MBP: variants seen among roughly 807,000 people sequenced by gnomAD.
MBP encodes the protein Golli-MBP.
In MBP, 16 loss-of-function variants were observed where a neutral mutation model predicts 35.8. The observed-to-expected ratio is 0.45, with a 90% CI of 0.30 to 0.68. MBP has a LOEUF of 0.68. Ranked by LOEUF, MBP falls within the 30% of genes least tolerant of loss-of-function variation. The pLI is 0.08. For missense variants in MBP, 380 were observed against 404.7 expected, an observed-to-expected ratio of 0.94 and a Z score of 0.52; for synonymous variants, 143 against 159.6, an observed-to-expected ratio of 0.90 and a Z score of 0.78.
intron 1 of MBP, among the ~76,000 whole-genome samples, chr18:77,119,807 C>G (rs571425962): frequency 6.6e-6 from 1 of 152,254 alleles, no homozygotes; most frequent in African/African-American, 2.4e-5. Context: ...TGGGGTGCTG[C>G]GGAAGAAGGG....
At chr18:76,995,841 CT>C (rs1970238023) in intron 4 of MBP, among the ~76,000 whole-genome samples, 1 of 152,066 alleles carries the variant, frequency 6.6e-6, no homozygotes, top group Non-Finnish European at 1.5e-5. Context: ...TAAATTGGAC[CT>C]CATCAAAGTT....
chr18:76,987,930 A>T, intron 7 of MBP: 1 of 1,120,564 alleles, frequency 8.9e-7, no homozygotes, highest in Non-Finnish European at 1.1e-6. Context: ...TTCCTAAGGA[A>T]GATTTTCTGG....
In MBP at chr18:76,988,244, G is replaced by A; in HGVS notation, c.750+251C>T. ...CACGTCGCCTGGGAACCCTCTGGGA[G>A]AAGAGGATCTGGCCTTGCAGGGCTG... On this transcript the variant is annotated intron_variant, in intron 7 of 8. Coordinates refer to ENST00000355994, the MANE Select transcript of MBP (RefSeq NM_001025101.2). The surrounding 1 kb of genome is among the most constrained non-coding windows in gnomAD (Gnocchi z 5.2). The A allele has an allele frequency of 1.9e-6, 3 of 1,550,172 alleles. No individual in the cohort carries two copies. The highest frequency in any genetic ancestry group is 2.6e-6 in the Non-Finnish European group (3 of 1,147,020).
At chr18:77,083,799 G>A (rs1975078192) in intron 2 of MBP, among the ~76,000 whole-genome samples, 1 of 152,174 alleles carries the variant, frequency 6.6e-6, no homozygotes, top group Admixed American at 6.5e-5. Flanking sequence ...CTGAAAGAGC[G>A]AACCCTACAG....
intron 3 of MBP, among the ~76,000 whole-genome samples, chr18:77,033,038 G>T (rs1972599458): frequency 6.6e-6 from 1 of 152,142 alleles, no homozygotes; most frequent in African/African-American, 2.4e-5. Context: ...CATGATCTCA[G>T]CTCACTGTAG....
chr18:76,986,155 T>A, intron 7 of MBP: 1 of 985,528 alleles, frequency 1.0e-6, no homozygotes, highest in Non-Finnish European at 1.2e-6. Context: ...GCTGTTAGCT[T>A]TTCAGGGATC....
chr18:77,027,994 A>ATTTATTTT (rs1244040681), intron 3 of MBP, among the ~76,000 whole-genome samples: 2 of 150,156 alleles, frequency 1.3e-5, no homozygotes, highest in Admixed American at 6.6e-5. Flanking sequence ...TTATTTATTT[A>ATTTATTTT]TTTATTTATT....
rs1969443501 is a variant in MBP at position 76,984,833 on chromosome 18, G to C, written c.812C>G (p.Ala271Gly). ...ATCGACTCCCTTGAATCCCTTGTGA[G>C]CCGATTTATAGTCGGACGCTCTGCC... ...YGGRASDYKS[A>G]HKGFKGVDAQ... The change falls in exon 8 of 9, where the codon GCT (alanine) becomes GGT (glycine). Residue 271 changes from alanine (A) to glycine (G), a missense_variant. Physicochemically the swap from Ala to Gly is moderately conservative, Grantham distance 60. Transcript: ENST00000355994. 1 of 1,613,974 alleles carries C rather than the reference G, an allele frequency of 6.2e-7. No individual in the cohort carries two copies. Among genetic ancestry groups the C allele is most frequent in the Admixed American group, 1.7e-5 (1 of 60,012 alleles).
At chr18:77,045,634 A>G (rs470967) in intron 3 of MBP, among the ~76,000 whole-genome samples, 134,418 of 152,308 alleles carry the variant, frequency 0.88, 59,703 homozygotes, top group South Asian at 0.93. Context: ...AGTGCTCAGA[A>G]TATTGAAATA....
chr18:77,033,953 C>T (rs2144570869), intron 3 of MBP, among the ~76,000 whole-genome samples: 1 of 151,600 alleles, frequency 6.6e-6, no homozygotes, highest in Non-Finnish European at 1.5e-5. Flanking sequence ...CACTAATCCT[C>T]ACCCTGACAG....
At position 76,988,445 on chromosome 18, in the gene MBP, T is replaced by C. The variant is rs773753212; in HGVS notation, c.750+50A>G. 6.2e-7 allele frequency: 1 copy of C among 1,614,160 alleles called. No homozygotes were observed. The highest frequency in any genetic ancestry group is 8.5e-7 in the Non-Finnish European group (1 of 1,180,018). Reference sequence around the variant, plus strand: ...GCAGAACACAAAAGTTGCGGGGCTGTGAGGACTGGGACGGAAGAGGAAGCC... The same window carrying C: ...GCAGAACACAAAAGTTGCGGGGCTGCGAGGACTGGGACGGAAGAGGAAGCC... On this transcript the variant is annotated intron_variant, in intron 7 of 8. Transcript: ENST00000355994. The surrounding 1 kb of genome is among the most constrained non-coding windows in gnomAD (Gnocchi z 5.2).
chr18:77,064,380 G>A (rs1011539438), intron 3 of MBP, among the ~76,000 whole-genome samples: 1 of 152,198 alleles, frequency 6.6e-6, no homozygotes, highest in Non-Finnish European at 1.5e-5. Context: ...AAGGCGGTGA[G>A]TTATGCTCAG....
chr18:77,012,171 G>A (rs1319878175), intron 4 of MBP, among the ~76,000 whole-genome samples: 1 of 152,176 alleles, frequency 6.6e-6, no homozygotes, highest in Non-Finnish European at 1.5e-5. Flanking sequence ...AAGACCCCAA[G>A]TTTCAGCTTC....
At chr18:77,106,217 G>C (rs1163550369) in intron 1 of MBP, among the ~76,000 whole-genome samples, 1 of 152,210 alleles carries the variant, frequency 6.6e-6, no homozygotes, top group African/African-American at 2.4e-5. Flanking sequence ...AACACGGGGA[G>C]AGAGGACTCT....
chr18:76,980,689 G>T (rs1969141214), intron 8 of MBP: 1 of 564,748 alleles, frequency 1.8e-6, no homozygotes, highest in Non-Finnish European at 3.2e-6. Context: ...GAGAGAACTG[G>T]AATCGGATTC....
chr18:77,056,405 G>C (rs8090465), intron 3 of MBP, among the ~76,000 whole-genome samples: 14,344 of 152,196 alleles, frequency 0.094, 936 homozygotes, highest in African/African-American at 0.18. Context: ...TTGAGACATC[G>C]GCCCTTTCCT....
At chr18:77,067,790 C>T (rs1453896883) in intron 2 of MBP, 2 of 505,384 alleles carry the variant, frequency 4.0e-6, no homozygotes, top group Admixed American at 2.0e-5. Flanking sequence ...AACCCAGGAC[C>T]ATAATATGTA....
intron 2 of MBP, among the ~76,000 whole-genome samples, chr18:77,081,510 C>A (rs1974898809): frequency 6.6e-6 from 1 of 152,046 alleles, no homozygotes; most frequent in Admixed American, 6.6e-5. Context: ...GAGATACCAC[C>A]TATAGGATGG....
Position 77,103,346 on chromosome 18 carries a change from G to A in MBP, c.51+1865C>T, listed in dbSNP as rs531811973. Among the ~76,000 whole-genome samples the A allele has an allele frequency of 5.9e-5, 9 of 152,258 alleles. No individual in the cohort carries two copies. The South Asian group carries it at 8.3e-4, about 14-fold the overall frequency. Reference sequence around the variant, plus strand: ...TTTCTAAAGCATCTGGGTGTAAGTCGGGGGTTCCCCTGACCCTCACCCCGG... The same window carrying A: ...TTTCTAAAGCATCTGGGTGTAAGTCAGGGGTTCCCCTGACCCTCACCCCGG... On this transcript the variant is annotated intron_variant, in intron 2 of 8. Coordinates refer to ENST00000355994, the MANE Select transcript of MBP (RefSeq NM_001025101.2).
Sources: gnomAD v4.1 joint callset for allele counts (sites outside exome capture counted in the v4.1 genomes callset) on GRCh38, gnomAD v4.1.1 for gene constraint, Gnocchi (gnomAD v3.1) non-coding constraint, MANE v1.5 for transcripts, NCBI Gene and HGNC (gene_info 2026-07-23, HGNC 2026-07-21) for gene names.